The following TRIM4 variants were observed in gnomAD, a reference collection of about 807,000 sequenced individuals.
TRIM4 encodes the protein tripartite motif containing 4, also known as E3 ubiquitin-protein ligase TRIM4.
A neutral mutation model predicts 33.7 loss-of-function variants in TRIM4; 29 were observed. The observed-to-expected ratio is 0.86, with a 90% CI of 0.64 to 1.17. The LOEUF (loss-of-function observed/expected upper bound fraction) is 1.17, where lower values mean the gene tolerates loss of function less well. Among genes scored for constraint, TRIM4 ranks in the 50% most tolerant of loss-of-function variants. TRIM4 has a pLI of 0.00. For synonymous variants in TRIM4, 224 were observed against 233.0 expected (o/e 0.96, Z 0.35); for missense variants, 554 against 593.7 (o/e 0.93, Z 0.69).
chr7:99,894,383 G>C (rs1222353746), intron 5 of TRIM4, among the ~76,000 whole-genome samples: 1 of 152,070 alleles, frequency 6.6e-6, no homozygotes, highest in African/African-American at 2.4e-5. Flanking sequence ...AATCATCTGG[G>C]GACCAGGCGC....
chr7:99,892,034 C>T lies in TRIM4; in HGVS notation c.*129G>A, dbSNP rs1021184181. ...AAGCACACAAAGGGCAGATACCAAA[C>T]GGTACCGTTAGGGAGACCCAGAAGA... is the stretch of plus-strand genomic sequence containing the variant. On this transcript the variant is annotated 3_prime_UTR_variant, in exon 6 of 6. Coordinates refer to ENST00000349062, the MANE Select transcript of TRIM4 (RefSeq NM_033091.3). 10 of 833,226 alleles carry T rather than the reference C, an allele frequency of 1.2e-5. No individual in the cohort carries two copies. The highest frequency in any genetic ancestry group is 5.6e-5 in the South Asian group (3 of 53,228). 51.6% of individuals were successfully genotyped at this position (833,226 alleles called of 1,614,324 possible). A position where few individuals can be genotyped will look rare whatever the true frequency, so the allele number is the denominator to read the frequency against.
Position 99,892,358 on chromosome 7 carries a change from G to A in TRIM4, c.1230C>T (p.Pro410=). The A allele has an allele frequency of 6.2e-7, 1 of 1,614,104 alleles. No homozygotes were observed. Among genetic ancestry groups the A allele is most frequent in the South Asian group, 1.1e-5 (1 of 91,072 alleles). ...GGTGGAGAGCTGGCTCTTGCTGGGT[G>A]GGAGTTCCAGGGAAGCCTATCAAGG... ...YWPLIGFPGT[P]TQQEPALHRV... is the part of the protein sequence containing the mutation. The change falls in exon 6 of 6, where the codon CCC becomes CCT. Residue 410 remains proline (P), a synonymous_variant. Transcript: ENST00000349062.
At chr7:99,897,633 A>C (rs1392006368) in intron 5 of TRIM4, among the ~76,000 whole-genome samples, 2 of 152,202 alleles carry the variant, frequency 1.3e-5, no homozygotes, top group African/African-American at 2.4e-5. Context: ...AAAGGCCTAG[A>C]AAAGAATATA....
Position 99,919,415 on chromosome 7 carries a change from C to G in TRIM4, c.-14G>C, listed in dbSNP as rs1237993327. 6.6e-7 allele frequency: 1 copy of G among 1,521,632 alleles called. No homozygotes were observed. Among genetic ancestry groups the G allele is most frequent in the Non-Finnish European group, 8.8e-7 (1 of 1,136,222 alleles). The allele number at this position is 1,521,632 out of a possible 1,614,324, so 94.3% of individuals were successfully genotyped here. ...CTCAGCTTCCATGCTGCTTCCCTGCCGCGGAGACGGAGTCCGACGTGAGGC... is the reference window on the plus strand; with the variant it reads ...CTCAGCTTCCATGCTGCTTCCCTGCGGCGGAGACGGAGTCCGACGTGAGGC... On this transcript the variant is annotated 5_prime_UTR_variant, in exon 1 of 6. Coordinates refer to ENST00000349062, the MANE Select transcript of TRIM4 (RefSeq NM_033091.3).
At chr7:99,896,725 T>C (rs2085769485) in intron 5 of TRIM4, among the ~76,000 whole-genome samples, 1 of 152,246 alleles carries the variant, frequency 6.6e-6, no homozygotes, top group Non-Finnish European at 1.5e-5. Flanking sequence ...GGGCTGGTTG[T>C]CCACATGTAT....
chr7:99,898,403 T>C (rs989568513), intron 5 of TRIM4, among the ~76,000 whole-genome samples: 15 of 152,200 alleles, frequency 9.9e-5, no homozygotes, highest in African/African-American at 2.9e-4. Context: ...AAATAGCCAA[T>C]AATATGTGGC....
intron 5 of TRIM4, 30 bp from the exon 6 acceptor site, chr7:99,892,776 A>G: frequency 6.4e-7 from 1 of 1,560,158 alleles, no homozygotes. Flanking sequence ...TAAGTAGTGC[A>G]GCAGCTTATC....
chr7:99,914,809 T>C (rs941397956), intron 1 of TRIM4, among the ~76,000 whole-genome samples: 4 of 152,038 alleles, frequency 2.6e-5, no homozygotes, highest in African/African-American at 9.7e-5. Flanking sequence ...TTTTTTTCTT[T>C]TTTTCTTTTT....
intron 5 of TRIM4, among the ~76,000 whole-genome samples, chr7:99,894,071 C>A (rs1818957717): frequency 6.6e-6 from 1 of 150,592 alleles, no homozygotes; most frequent in Non-Finnish European, 1.5e-5. Context: ...GATTATTATA[C>A]ATTATCCTTT....
chr7:99,907,392 G>A (rs566771524), intron 3 of TRIM4, among the ~76,000 whole-genome samples: 1 of 152,364 alleles, frequency 6.6e-6, no homozygotes, highest in Middle Eastern at 3.4e-3. Flanking sequence ...TTACAGGCGT[G>A]AGCCACTGCA....
rs958323237 is a variant in TRIM4 at position 99,891,808 on chromosome 7, T to C, written c.*355A>G. The C allele has an allele frequency of 5.1e-6, 1 of 195,718 alleles. No homozygotes were observed. Among genetic ancestry groups the C allele is most frequent in the Non-Finnish European group, 1.1e-5 (1 of 94,968 alleles). The allele number at this position is 195,718 out of a possible 1,614,324, so 12.1% of individuals were successfully genotyped here. On this transcript the variant is annotated 3_prime_UTR_variant, in exon 6 of 6. Transcript: ENST00000349062. ...TTGGCATGAAGGAAATTTCAACAAT[T>C]TCACAACGGCAACAAAAACTCTGTT...
intron 5 of TRIM4, among the ~76,000 whole-genome samples, chr7:99,896,354 T>A (rs1464891098): frequency 5.3e-5 from 8 of 152,172 alleles, no homozygotes; most frequent in Admixed American, 4.6e-4. Context: ...CATCTGAACC[T>A]CTGGCCCATT....
chr7:99,902,796 CCT>C (rs1429748221), intron 5 of TRIM4, among the ~76,000 whole-genome samples: 1 of 151,848 alleles, frequency 6.6e-6, no homozygotes, highest in African/African-American at 2.4e-5. Flanking sequence ...AACAGTCATC[CCT>C]GTTTTCCACC....
intron 1 of TRIM4, among the ~76,000 whole-genome samples, chr7:99,916,314 T>C (rs919548976): frequency 1.3e-5 from 2 of 152,166 alleles, no homozygotes; most frequent in Admixed American, 6.5e-5. Flanking sequence ...CTCTATGTGG[T>C]CCTCCTAGGA....
At chr7:99,909,801 T>G in intron 1 of TRIM4, 141 bp from the exon 2 acceptor site, 1 of 671,372 alleles carries the variant, frequency 1.5e-6, no homozygotes, top group Non-Finnish European at 2.5e-6. Flanking sequence ...GGCCTGATCA[T>G]GGCTCACTAC....
chr7:99,897,874 C>T, intron 5 of TRIM4, among the ~76,000 whole-genome samples: 1 of 152,220 alleles, frequency 6.6e-6, no homozygotes, highest in South Asian at 2.1e-4. Context: ...GACACAACTT[C>T]CTGTGTCTTA....
chr7:99,903,896 G>A (rs1027873901), intron 3 of TRIM4, among the ~76,000 whole-genome samples: 4 of 152,132 alleles, frequency 2.6e-5, no homozygotes, highest in Admixed American at 2.6e-4. Context: ...GCTCCTTTGC[G>A]TGCCTTTTGG....
intron 5 of TRIM4, chr7:99,901,099 C>T (rs1819156473): frequency 6.6e-6 from 1 of 152,144 alleles, no homozygotes; most frequent in African/African-American, 2.4e-5. Flanking sequence ...ATAAAGTTGT[C>T]CCACAGGTCA....
intron 5 of TRIM4, chr7:99,902,178 C>G (rs913239361): frequency 1.3e-6 from 1 of 764,550 alleles, no homozygotes; most frequent in African/African-American, 1.7e-5. Flanking sequence ...TTAGTTGCTG[C>G]AGACAAGAAA....
Sources: gnomAD v4.1 joint callset for allele counts (sites outside exome capture counted in the v4.1 genomes callset) on GRCh38, gnomAD v4.1.1 for gene constraint, MANE v1.5 for transcripts, NCBI Gene and HGNC (gene_info 2026-07-23, HGNC 2026-07-21) for gene names.